Variants in PHYH observed in about 807,000 individuals in gnomAD.
PHYH encodes the protein phytanoyl-CoA dioxygenase, peroxisomal.
Under a neutral mutation model 38.5 loss-of-function variants are expected in PHYH, and 32 were observed. The ratio of observed to expected loss-of-function variants is 0.83; its 90% CI spans 0.63 to 1.12. The LOEUF is 1.12. Ranked by LOEUF, PHYH falls within the 50% of genes most tolerant of loss-of-function variation. The pLI is 0.00. For missense variants in PHYH, 426 were observed against 434.8 expected (o/e 0.98, Z 0.18); for synonymous variants, 166 against 157.9 (o/e 1.05, Z -0.38).
At chr10:13,299,396 G>C (rs1035068827) in intron 1 of PHYH, 1 of 994,818 alleles carries the variant, frequency 1.0e-6, no homozygotes, top group South Asian at 4.7e-5. Context: ...CAGGCAAGGC[G>C]TGTGCCGCCG....
intron 1 of PHYH, among the ~76,000 whole-genome samples, chr10:13,298,658 G>C (rs1239165305): frequency 3.3e-5 from 5 of 150,956 alleles, no homozygotes; most frequent in Middle Eastern, 3.5e-3. Flanking sequence ...CTGAGATCAG[G>C]CCACTGCATT....
Position 13,294,738 on chromosome 10 carries a change from A to G in PHYH, c.246-142T>C, listed in dbSNP as rs997989091. The stretch of plus-strand genomic sequence containing the variant: ...TCCAGCTTGAGGTAGAATAATTCCA[A>G]TGAAAGGGAGGAGAAACTGTCTGGC... On this transcript the variant is annotated intron_variant, in intron 3 of 8. Coordinates refer to ENST00000263038, the MANE Select transcript of PHYH (RefSeq NM_006214.4). 41 of 700,616 alleles carry G rather than the reference A, an allele frequency of 5.9e-5. No individual in the cohort carries two copies. The East Asian group carries it at 6.5e-4, about 11-fold the overall frequency. The allele number at this position is 700,616 out of a possible 1,614,324, so 43.4% of individuals were successfully genotyped here.
chr10:13,298,234 G>T lies in PHYH; in HGVS notation c.87C>A (p.Pro29=). 2 of 1,603,338 alleles carry T rather than the reference G, an allele frequency of 1.2e-6. No homozygotes were observed. Among genetic ancestry groups the T allele is most frequent in the Non-Finnish European group, 1.7e-6 (2 of 1,170,354 alleles). The part of the protein sequence containing the change: ...RPSAGAVVAH[P]TSGTISSASF... Reference sequence around the variant, plus strand: ...TGGCAGAGGAAATAGTCCCTGAAGTGGGATGAGCTACCTAGGATGTGAATT... The same window carrying T: ...TGGCAGAGGAAATAGTCCCTGAAGTTGGATGAGCTACCTAGGATGTGAATT... Residue 29 remains proline, a synonymous_variant, in exon 2 of 9, where the codon CCC becomes CCA. Coordinates refer to ENST00000263038, the MANE Select transcript of PHYH (RefSeq NM_006214.4).
chr10:13,286,160 C>G (rs1835543915), intron 6 of PHYH, among the ~76,000 whole-genome samples: 1 of 152,146 alleles, frequency 6.6e-6, no homozygotes, highest in Non-Finnish European at 1.5e-5. Flanking sequence ...GATCCTCCCA[C>G]TTTGGCTCCC....
intron 5 of PHYH, 51 bp downstream of exon 5, chr10:13,291,780 A>T: frequency 8.0e-7 from 1 of 1,253,154 alleles, no homozygotes; most frequent in Non-Finnish European, 1.2e-6. Context: ...CACCCAGCCA[A>T]CCTTACACAT....
At chr10:13,290,914 T>A (rs1835693269) in intron 5 of PHYH, among the ~76,000 whole-genome samples, 2 of 151,954 alleles carry the variant, frequency 1.3e-5, no homozygotes, top group Admixed American at 6.6e-5. Flanking sequence ...CTGACCAACA[T>A]GGCGAAACCC....
intron 8 of PHYH, among the ~76,000 whole-genome samples, chr10:13,280,181 A>C (rs1022801937): frequency 1.3e-5 from 2 of 152,170 alleles, no homozygotes. Flanking sequence ...GTTGGCCAGG[A>C]AGGTCTCGAT....
intron 8 of PHYH, among the ~76,000 whole-genome samples, chr10:13,279,273 C>G (rs1198794471): frequency 6.6e-6 from 1 of 152,314 alleles, no homozygotes; most frequent in South Asian, 2.1e-4. Flanking sequence ...GCTGGGATTA[C>G]AGGAGTGAGC....
chr10:13,291,836 T>G lies in PHYH; in HGVS notation c.491A>C (p.Asp164Ala), dbSNP rs1835718268. ...TTCTTCTCCCTTACAATTACCAGAA[T>G]CTGGAGGTTTGTTTATCAACATTGT... ...MHTMLINKPP[D>A]SGKKTSRHPL... The change falls in exon 5 of 9, where the codon GAT (aspartate) becomes GCT (alanine). Residue 164 changes from aspartate (D) to alanine (A), a missense_variant. Physicochemically the swap from Asp to Ala is moderately radical, Grantham distance 126. Coordinates refer to ENST00000263038, the MANE Select transcript of PHYH (RefSeq NM_006214.4). 6.2e-7 allele frequency: 1 copy of G among 1,602,306 alleles called. No individual in the cohort carries two copies. The highest frequency in any genetic ancestry group is 8.5e-7 in the Non-Finnish European group (1 of 1,170,056).
intron 4 of PHYH, among the ~76,000 whole-genome samples, chr10:13,293,294 T>C (rs1036506743): frequency 5.3e-5 from 8 of 152,002 alleles, no homozygotes; most frequent in Admixed American, 2.0e-4. Flanking sequence ...TTGTTTTTTG[T>C]TTTTTGTTTT....
In PHYH at chr10:13,288,449, C is replaced by T. The variant is rs200311519; in HGVS notation, c.589G>A (p.Glu197Lys). ...CAGCCGTTGTTCCGGCTGATGTGCTCCATCGCCGTCCAGGCGCAAACGATG... is the reference window on the plus strand; with the variant it reads ...CAGCCGTTGTTCCGGCTGATGTGCTTCATCGCCGTCCAGGCGCAAACGATG... ...DLIVCAWTAM[E>K]HISRNNGCLV... Residue 197 changes from glutamate to lysine, a missense_variant, in exon 6 of 9, where the codon GAG (glutamate) becomes AAG (lysine). By Grantham distance (56) the Glu-to-Lys change is moderately conservative (BLOSUM62 1). Transcript: ENST00000263038. 5.0e-6 allele frequency: 8 copies of T among 1,614,194 alleles called. No homozygotes were observed. The highest frequency in any genetic ancestry group is 6.8e-6 in the Non-Finnish European group (8 of 1,180,028).
chr10:13,285,406 A>G (rs1220807014), intron 6 of PHYH, among the ~76,000 whole-genome samples: 1 of 151,636 alleles, frequency 6.6e-6, no homozygotes, highest in Non-Finnish European at 1.5e-5. Flanking sequence ...CTGGTCTCAA[A>G]CTCCTGACCT....
chr10:13,279,974 T>C (rs1174716226), intron 8 of PHYH, among the ~76,000 whole-genome samples: 1 of 152,196 alleles, frequency 6.6e-6, no homozygotes, highest in Non-Finnish European at 1.5e-5. Context: ...AGATTCCTTC[T>C]TTTGTTGTTG....
At chr10:13,283,202 C>T (rs1276032798) in intron 7 of PHYH, among the ~76,000 whole-genome samples, 1 of 143,616 alleles carries the variant, frequency 7.0e-6, no homozygotes, top group Non-Finnish European at 1.5e-5. Context: ...GATCTCGGCT[C>T]ACTGCAGACT....
At chr10:13,297,366 T>G (rs1424447830) in intron 2 of PHYH, among the ~76,000 whole-genome samples, 4 of 152,218 alleles carry the variant, frequency 2.6e-5, no homozygotes, top group Non-Finnish European at 5.9e-5. Flanking sequence ...TTTAGGAAGG[T>G]CAAGATCTTC....
At chr10:13,299,830 G>A in intron 1 of PHYH, 138 bp downstream of exon 1, 9 of 1,324,654 alleles carry the variant, frequency 6.8e-6, no homozygotes, top group Non-Finnish European at 8.7e-6. Flanking sequence ...CGACCCAGGC[G>A]GGGACGCGGC....
intron 5 of PHYH, among the ~76,000 whole-genome samples, chr10:13,289,351 A>G (rs1031640133): frequency 3.3e-5 from 5 of 151,792 alleles, no homozygotes; most frequent in Non-Finnish European, 7.4e-5. Flanking sequence ...GCCCGCCACC[A>G]CGCCCGGCTA....
intron 5 of PHYH, among the ~76,000 whole-genome samples, chr10:13,289,313 A>G (rs1452772112): frequency 6.6e-6 from 1 of 152,072 alleles, no homozygotes; most frequent in Non-Finnish European, 1.5e-5. Flanking sequence ...CTCCTGCCTC[A>G]GCCTCCCGAG....
intron 6 of PHYH, among the ~76,000 whole-genome samples, chr10:13,286,699 C>CA (rs33995270): frequency 0.01 from 1,185 of 116,648 alleles, 9 homozygotes; most frequent in Middle Eastern, 0.014. Flanking sequence ...GACTCTGTCT[C>CA]AAAAAAAAAA....
Sources: gnomAD v4.1 joint callset for allele counts (sites outside exome capture counted in the v4.1 genomes callset) on GRCh38, gnomAD v4.1.1 for gene constraint, MANE v1.5 for transcripts, NCBI Gene and HGNC (gene_info 2026-07-23, HGNC 2026-07-21) for gene names.